The following PDE10A variants were observed in gnomAD, a reference collection of about 807,000 sequenced individuals.
PDE10A encodes the protein cAMP and cAMP-inhibited cGMP 3',5'-cyclic phosphodiesterase 10A.
PDE10A carries 39 observed loss-of-function variants against 97.7 expected under a neutral mutation model. The observed-to-expected ratio is 0.40, with a 90% CI of 0.31 to 0.52. PDE10A has a LOEUF of 0.52. Ranked by LOEUF, PDE10A falls within the 20% of genes least tolerant of loss-of-function variation. PDE10A has a pLI of 0.56. For missense variants in PDE10A, 731 were observed against 1,047.8 expected, an observed-to-expected ratio of 0.70 and a Z score of 4.17; for synonymous variants, 371 against 376.8, an observed-to-expected ratio of 0.98 and a Z score of 0.18.
intron 1 of PDE10A, among the ~76,000 whole-genome samples, chr6:165,784,753 C>A (rs1387383815): frequency 2.0e-5 from 3 of 152,082 alleles, no homozygotes; most frequent in Admixed American, 1.3e-4. Flanking sequence ...TCAGTGGCAT[C>A]CGTAATAGGG....
intron 1 of PDE10A, among the ~76,000 whole-genome samples, chr6:165,822,257 AT>A (rs1779595837): frequency 1.4e-5 from 2 of 146,748 alleles, no homozygotes; most frequent in Admixed American, 6.9e-5. Flanking sequence ...ACACACCTGG[AT>A]GGCACAGTCC....
intron 2 of PDE10A, among the ~76,000 whole-genome samples, chr6:165,532,499 T>C (rs1044238023): frequency 3.9e-5 from 6 of 152,032 alleles, no homozygotes; most frequent in African/African-American, 1.2e-4. Flanking sequence ...TGCATGTAGT[T>C]AGAGTATGTG....
chr6:165,826,069 C>T (rs1453228444), intron 1 of PDE10A, among the ~76,000 whole-genome samples: 1 of 152,248 alleles, frequency 6.6e-6, no homozygotes, highest in Non-Finnish European at 1.5e-5. Flanking sequence ...GCCAGGATGG[C>T]AGAACAGCTT....
In PDE10A at chr6:165,916,973, T is replaced by C. The variant is rs375282004; in HGVS notation, c.-615+70556A>G. Reference sequence around the variant, plus strand: ...GAGGCAGCAGAATACCCAATGAAAATGGCTTAGATCGCTGGAATTCCATGT... The same window carrying C: ...GAGGCAGCAGAATACCCAATGAAAACGGCTTAGATCGCTGGAATTCCATGT... On this transcript the variant is annotated intron_variant, in intron 1 of 19. Transcript: ENST00000366882. Among the ~76,000 whole-genome samples the C allele has an allele frequency of 3.3e-5, 5 of 152,192 alleles. No homozygotes were observed. In the South Asian group the frequency reaches 1.0e-3, roughly 32 times the overall value.
chr6:165,924,597 GT>G (rs1782870935), intron 1 of PDE10A, among the ~76,000 whole-genome samples: 1 of 152,192 alleles, frequency 6.6e-6, no homozygotes, highest in African/African-American at 2.4e-5. Context: ...TGGTTTCCAT[GT>G]TGCATAGAAG....
At chr6:165,469,127 A>G (rs1778836909) in intron 3 of PDE10A, among the ~76,000 whole-genome samples, 1 of 152,222 alleles carries the variant, frequency 6.6e-6, no homozygotes, top group Non-Finnish European at 1.5e-5. Flanking sequence ...GAGTAATAAG[A>G]TATGCATCTT....
chr6:165,920,257 TGCCATGTAGTAAA>T (rs1486525032), intron 1 of PDE10A, among the ~76,000 whole-genome samples: 1 of 152,218 alleles, frequency 6.6e-6, no homozygotes, highest in African/African-American at 2.4e-5. Flanking sequence ...CATGTAGTAA[TGCCATGTAGTAAA>T]TGTATGCCAT....
intron 1 of PDE10A, among the ~76,000 whole-genome samples, chr6:165,815,016 G>A (rs965107489): frequency 1.8e-4 from 27 of 151,998 alleles, no homozygotes; most frequent in African/African-American, 6.3e-4. Flanking sequence ...AAAGGGAGAC[G>A]GGGAGTTTAA....
At chr6:165,882,788 G>A (rs976001495) in intron 1 of PDE10A, among the ~76,000 whole-genome samples, 3 of 150,032 alleles carry the variant, frequency 2.0e-5, no homozygotes, top group Non-Finnish European at 4.4e-5. Flanking sequence ...CCTCCCTCCT[G>A]GCAAACTCTG....
At chr6:165,823,657 G>T (rs1056504784) in intron 1 of PDE10A, among the ~76,000 whole-genome samples, 1 of 125,850 alleles carries the variant, frequency 7.9e-6, no homozygotes, top group Non-Finnish European at 1.9e-5. Flanking sequence ...TAACAGAATC[G>T]TTTATTGTCA....
intron 13 of PDE10A, among the ~76,000 whole-genome samples, chr6:165,403,599 C>T (rs978134108): frequency 2.0e-5 from 3 of 152,070 alleles, no homozygotes; most frequent in African/African-American, 7.2e-5. Flanking sequence ...CATTTAAAAT[C>T]GAATTGACAA....
chr6:165,927,685 T>A (rs1562801782), intron 1 of PDE10A, among the ~76,000 whole-genome samples: 12 of 83,504 alleles, frequency 1.4e-4, no homozygotes, highest in African/African-American at 3.6e-4. Context: ...TATAGTTTTT[T>A]GTTTGTTTGT....
intron 17 of PDE10A, among the ~76,000 whole-genome samples, chr6:165,380,802 G>GAA (rs1191850009): frequency 6.6e-6 from 1 of 152,230 alleles, no homozygotes; most frequent in African/African-American, 2.4e-5. Flanking sequence ...TTTTGTTGTA[G>GAA]AAAGTTCTAA....
intron 1 of PDE10A, among the ~76,000 whole-genome samples, chr6:165,616,470 GT>G (rs1050851766): frequency 1.3e-5 from 2 of 151,818 alleles, no homozygotes; most frequent in African/African-American, 2.4e-5. Flanking sequence ...TTAGAAAAAC[GT>G]TTTTTTTAGG....
chr6:165,567,064 G>C (rs1392273716), intron 1 of PDE10A, among the ~76,000 whole-genome samples: 1 of 152,118 alleles, frequency 6.6e-6, no homozygotes, highest in African/African-American at 2.4e-5. Context: ...GTCAACATTA[G>C]AACAGATAAA....
intron 3 of PDE10A, among the ~76,000 whole-genome samples, chr6:165,462,679 A>C (rs984893500): frequency 6.6e-6 from 1 of 152,208 alleles, no homozygotes; most frequent in Admixed American, 6.5e-5. Context: ...ACAGATCAAG[A>C]AGCTGTCACA....
chr6:165,699,111 TA>T (rs1791508369), intron 1 of PDE10A, among the ~76,000 whole-genome samples: 2 of 152,314 alleles, frequency 1.3e-5, no homozygotes, highest in East Asian at 3.9e-4. Context: ...ACTTTAGATT[TA>T]AAGATACAAA....
At chr6:165,403,683 G>T (rs886213019) in intron 13 of PDE10A, among the ~76,000 whole-genome samples, 4 of 152,072 alleles carry the variant, frequency 2.6e-5, no homozygotes, top group Non-Finnish European at 4.4e-5. Flanking sequence ...AAATTAAATT[G>T]ATTCTCTAAG....
intron 1 of PDE10A, among the ~76,000 whole-genome samples, chr6:165,923,751 T>TCCC: frequency 6.6e-6 from 1 of 151,154 alleles, no homozygotes; most frequent in Non-Finnish European, 1.5e-5. Context: ...TATATAACTA[T>TCCC]CACCACTTTA....
Sources: gnomAD v4.1 joint callset for allele counts (sites outside exome capture counted in the v4.1 genomes callset) on GRCh38, gnomAD v4.1.1 for gene constraint, MANE v1.5 for transcripts, NCBI Gene and HGNC (gene_info 2026-07-23, HGNC 2026-07-21) for gene names.